Variants in A2ML1 observed in about 807,000 individuals in gnomAD.
A2ML1 encodes alpha-2-macroglobulin-like protein 1.
A2ML1 carries 161 observed loss-of-function variants against 181.9 expected under a neutral mutation model. The observed-to-expected ratio is 0.89, with a 90% CI of 0.78 to 1.01. A2ML1 has a LOEUF of 1.01. Ranked by LOEUF, A2ML1 falls within the 50% of genes least tolerant of loss-of-function variation. The pLI is 0.00. For synonymous variants in A2ML1, 663 were observed against 666.8 expected (o/e 0.99, Z 0.09); for missense variants, 1,670 against 1,768.1 (o/e 0.94, Z 1.00).
chr12:8,834,828 T>A, intron 5 of A2ML1, 146 bp downstream of exon 5: 1 of 877,994 alleles, frequency 1.1e-6, no homozygotes, highest in Non-Finnish European at 1.8e-6. Flanking sequence ...CACATCCACC[T>A]AAGCTGTGCC....
At chr12:8,872,986 T>C (rs1944679469) in intron 33 of A2ML1, among the ~76,000 whole-genome samples, 2 of 152,090 alleles carry the variant, frequency 1.3e-5, no homozygotes, top group South Asian at 4.1e-4. Flanking sequence ...ACTTGTTTTG[T>C]TTTTTATTTT....
At chr12:8,823,523 C>T in intron 2 of A2ML1, 158 bp downstream of exon 2, 1 of 1,072,244 alleles carries the variant, frequency 9.3e-7, no homozygotes, top group Non-Finnish European at 1.3e-6. Context: ...TATAACTCAC[C>T]CACGGTTTCC....
downstream of A2ML1, among the ~76,000 whole-genome samples, chr12:8,881,507 G>C (rs73047861): frequency 0.037 from 5,683 of 152,282 alleles, 117 homozygotes; most frequent in Non-Finnish European, 0.049. Context: ...CCTGATATGG[G>C]AGAGGGGGAG....
chr12:8,871,312 AG>A (rs1419905340), intron 33 of A2ML1, among the ~76,000 whole-genome samples: 1 of 152,204 alleles, frequency 6.6e-6, no homozygotes, highest in African/African-American at 2.4e-5. Flanking sequence ...GCACTCCAAA[AG>A]AACATCTATT....
At chr12:8,850,732 AATTCTTTTT>A (rs1446676180) in intron 18 of A2ML1, among the ~76,000 whole-genome samples, 2 of 152,184 alleles carry the variant, frequency 1.3e-5, no homozygotes, top group African/African-American at 2.4e-5. Flanking sequence ...TATTTTCCGG[AATTCTTTTT>A]TTCTTTTTAT....
At chr12:8,862,459 T>C (rs6487425) in intron 28 of A2ML1, among the ~76,000 whole-genome samples, 142,863 of 152,106 alleles carry the variant, frequency 0.94, 67,738 homozygotes, top group East Asian at 1. Flanking sequence ...CTCTTGGTCT[T>C]CCAAAGTGCT....
intron 16 of A2ML1, 38 bp downstream of exon 16, chr12:8,848,952 T>C (rs888329524): frequency 1.3e-5 from 21 of 1,583,400 alleles, no homozygotes; most frequent in Non-Finnish European, 1.7e-5. Flanking sequence ...ATGGGAAAGA[T>C]GGTGGTGGGA....
chr12:8,839,269 C>T, intron 10 of A2ML1, 47 bp downstream of exon 10: 2 of 1,401,158 alleles, frequency 1.4e-6, no homozygotes, highest in African/African-American at 1.4e-5. Context: ...GCATAACCAT[C>T]TACTTTGCCT....
At chr12:8,843,024 A>T in intron 11 of A2ML1, 110 bp from the exon 12 acceptor site, 1 of 932,038 alleles carries the variant, frequency 1.1e-6, no homozygotes, top group Non-Finnish European at 1.6e-6. Context: ...TGCCATTCTC[A>T]GGCAGTGAAG....
chr12:8,835,861 A>G (rs918028451), intron 6 of A2ML1, among the ~76,000 whole-genome samples, 195 bp downstream of exon 6: 4 of 151,892 alleles, frequency 2.6e-5, no homozygotes, highest in African/African-American at 4.8e-5. Flanking sequence ...ACAATACAAA[A>G]AATTAGCCGG....
At chr12:8,858,151 C>G (rs747916046) in intron 26 of A2ML1, 49 bp downstream of exon 26, 16 of 1,584,472 alleles carry the variant, frequency 1.0e-5, no homozygotes, top group Non-Finnish European at 1.4e-5. Flanking sequence ...TCGAAGGACC[C>G]CACACCTCTG....
chr12:8,838,328 C>A lies in A2ML1; in HGVS notation c.856-8C>A. ...GCTCTCTATCTCTGTCTCTGATCAC[C>A]TCACTAGACTGACAAAACAGGATGT... On this transcript the variant is annotated splice_region_variant and splice_polypyrimidine_tract_variant and intron_variant, in intron 8 of 35. Transcript: ENST00000299698. 6.2e-7 allele frequency: 1 copy of A among 1,605,254 alleles called. No homozygotes were observed. Among genetic ancestry groups the A allele is most frequent in the Non-Finnish European group, 8.5e-7 (1 of 1,172,738 alleles).
At position 8,838,934 on chromosome 12, in the gene A2ML1, A is replaced by G. The variant is rs868238579; in HGVS notation, c.971-179A>G. Among the ~76,000 whole-genome samples, 4,043 of 151,324 alleles carry G rather than the reference A, an allele frequency of 0.027. 177 individuals are homozygous for G. The highest frequency in any genetic ancestry group is 0.09 in the African/African-American group (3,694 of 41,064). On this transcript the variant is annotated intron_variant, in intron 9 of 35. Transcript: ENST00000299698. ...CATCTTAAAAAAAAAAAAAAAAAAA[A>G]AAGAAGAAATACTACATACTTCTCC...
At chr12:8,858,810 T>C in intron 26 of A2ML1, among the ~76,000 whole-genome samples, 1 of 152,026 alleles carries the variant, frequency 6.6e-6, no homozygotes, top group East Asian at 1.9e-4. Context: ...GACTAAAAGA[T>C]CTCTGGGCCT....
At position 8,886,008 on chromosome 12, in the gene A2ML1, T is replaced by TCA. The variant is rs1491278936; in HGVS notation, c.*95-498_*95-497insAC. The stretch of plus-strand genomic sequence containing the variant: ...TTACTTCGCCTATCCTTCAACAATA[T>TCA]CTCACACACACACACACACACACAC... On this transcript the variant is annotated intron_variant and NMD_transcript_variant, in intron 7 of 7. Coordinates refer to the A2ML1 transcript ENST00000537475. 8.5e-3 allele frequency among the ~76,000 whole-genome samples: 468 copies of TCA among 55,318 alleles called. 2 individuals are homozygous for TCA. The highest frequency in any genetic ancestry group is 0.031 in the African/African-American group (440 of 14,356). 36.3% of individuals were successfully genotyped at this position (55,318 alleles called of 152,430 possible). A position where few individuals can be genotyped will look rare whatever the true frequency, so the allele number is the denominator to read the frequency against.
chr12:8,887,014 C>T (rs1944927654), downstream of A2ML1: 3 of 152,078 alleles, frequency 2.0e-5, no homozygotes, highest in Middle Eastern at 6.8e-3. Context: ...AAAAATTTAA[C>T]TGGGTGTGGT....
chr12:8,842,022 G>A (rs12317156), intron 11 of A2ML1, among the ~76,000 whole-genome samples: 3,370 of 152,152 alleles, frequency 0.022, 134 homozygotes, highest in African/African-American at 0.076. Flanking sequence ...TGTGCATCTG[G>A]GGCATTCAGT....
chr12:8,863,996 C>G lies in A2ML1; in HGVS notation c.3705C>G (p.Phe1235Leu). The G allele has an allele frequency of 6.2e-7, 1 of 1,612,038 alleles. No individual in the cohort carries two copies. The highest frequency in any genetic ancestry group is 8.5e-7 in the Non-Finnish European group (1 of 1,179,738). Residue 1235 changes from phenylalanine to leucine, a missense_variant, in exon 29 of 36, where the codon TTC becomes TTG. By Grantham distance (22) the Phe-to-Leu change is conservative (BLOSUM62 0). Coordinates refer to ENST00000299698, the MANE Select transcript of A2ML1 (RefSeq NM_144670.6). ...AGCAACACAATGCATATGGGGGCTT[C>G]TCTTCTACTCAGGTAAACAGCCTGT... Reference protein sequence around the residue: ...LAKQHNAYGGFSSTQDTVVAL... With the variant: ...LAKQHNAYGGLSSTQDTVVAL...
At chr12:8,843,463 A>G in intron 12 of A2ML1, 102 bp downstream of exon 12, 1 of 1,026,916 alleles carries the variant, frequency 9.7e-7, no homozygotes, top group Non-Finnish European at 1.4e-6. Context: ...TTGCAGATGC[A>G]CATCTAATTA....
Sources: gnomAD v4.1 joint callset for allele counts (sites outside exome capture counted in the v4.1 genomes callset) on GRCh38, gnomAD v4.1.1 for gene constraint, MANE v1.5 for transcripts, NCBI Gene and HGNC (gene_info 2026-07-23, HGNC 2026-07-21) for gene names.